Variants in PIEZO2 observed in about 807,000 individuals in gnomAD.
PIEZO2 encodes piezo type mechanosensitive ion channel component 2, also known as piezo-type mechanosensitive ion channel component 2.
In PIEZO2, 172 loss-of-function variants were observed where a neutral mutation model predicts 337.3. That is an observed-to-expected ratio of 0.51 (90% CI 0.45 to 0.58). The LOEUF (loss-of-function observed/expected upper bound fraction) is 0.58, where lower values mean the gene tolerates loss of function less well. Ranked by LOEUF, PIEZO2 falls within the 20% of genes least tolerant of loss-of-function variation. PIEZO2 has a pLI of 0.00. For synonymous variants in PIEZO2, 1,251 were observed against 1,228.5 expected, an observed-to-expected ratio of 1.02 and a Z score of -0.38; for missense variants, 3,028 against 3,391.3, an observed-to-expected ratio of 0.89 and a Z score of 2.66.
At chr18:10,999,184 C>CAAA (rs35723374) in intron 2 of PIEZO2, among the ~76,000 whole-genome samples, 82 of 111,708 alleles carry the variant, frequency 7.3e-4, no homozygotes, top group African/African-American at 2.1e-3. Context: ...AAGGCAACAG[C>CAAA]AAAAAAAAAA....
Position 10,691,247 on chromosome 18 carries a change from C to T in PIEZO2, c.7327G>A (p.Val2443Ile), listed in dbSNP as rs756549202. Reference sequence around the variant, plus strand: ...TACCCTTGGAATAAGAAGAGGTTGACGTAATTGTAGCTCTTGGTGAGGAAG... The same window carrying T: ...TACCCTTGGAATAAGAAGAGGTTGATGTAATTGTAGCTCTTGGTGAGGAAG... ...GNFLTKSYNY[V>I]NLFLFQGFRL... Residue 2443 changes from valine to isoleucine, a missense_variant, in exon 48 of 56, where the codon GTC becomes ATC. This residue lies in a region of PIEZO2 where 179 missense variants were observed against 281.8 expected (regional missense o/e 0.64). Coordinates refer to ENST00000674853, the MANE Select transcript of PIEZO2 (RefSeq NM_001378183.1). 4.0e-5 allele frequency: 65 copies of T among 1,613,638 alleles called. No individual in the cohort carries two copies. Among genetic ancestry groups the T allele is most frequent in the Admixed American group, 1.0e-4 (6 of 59,932 alleles).
rs771832333 is a variant in PIEZO2, at chr18:10,833,661, C to T, written c.917+21692G>A. 4.6e-5 allele frequency among the ~76,000 whole-genome samples: 7 copies of T among 152,202 alleles called. No individual in the cohort carries two copies. Among genetic ancestry groups the T allele is most frequent in the South Asian group, 2.1e-4 (1 of 4,826 alleles). On this transcript the variant is annotated intron_variant, in intron 7 of 55. Transcript: ENST00000674853. The surrounding 1 kb of genome is among the most constrained non-coding windows in gnomAD (Gnocchi z 4.7). The stretch of plus-strand genomic sequence containing the variant: ...AGTACAGTTCCAATCTGTGTCTACC[C>T]GCAGGCTTCACCCAAGCCCTCTCAG...
chr18:10,725,611 C>T (rs987288498), intron 36 of PIEZO2: 9 of 1,305,872 alleles, frequency 6.9e-6, no homozygotes, highest in African/African-American at 5.9e-5. Flanking sequence ...CAGCCGCCTC[C>T]GCCCTCTGGC....
At chr18:10,852,015 T>C (rs1043782812) in intron 7 of PIEZO2, among the ~76,000 whole-genome samples, 1 of 152,316 alleles carries the variant, frequency 6.6e-6, no homozygotes, top group Non-Finnish European at 1.5e-5. Context: ...GATATTTACA[T>C]TTTCAATTAA....
intron 11 of PIEZO2, among the ~76,000 whole-genome samples, chr18:10,800,023 A>T: frequency 6.6e-6 from 1 of 152,048 alleles, no homozygotes; most frequent in East Asian, 1.9e-4. Context: ...CACTGACCAT[A>T]ATTACAATAT....
chr18:11,142,778 C>CA lies in PIEZO2; in HGVS notation c.64+5746dup, dbSNP rs11290889. Among the ~76,000 whole-genome samples the CA allele has an allele frequency of 6.2e-3, 724 of 116,138 alleles. 18 individuals carry two copies. The highest frequency in any genetic ancestry group is 0.022 in the African/African-American group (671 of 30,498). 76.2% of individuals were successfully genotyped at this position (116,138 alleles called of 152,430 possible). ...CCTAGGCATCAGAGTGAGATTATCGCAAAAAAAAAAAAAAAAAGGACCGGG... is the reference window on the plus strand; with the variant it reads ...CCTAGGCATCAGAGTGAGATTATCGCAAAAAAAAAAAAAAAAAAGGACCGGG... On this transcript the variant is annotated intron_variant, in intron 1 of 55. Coordinates refer to ENST00000674853, the MANE Select transcript of PIEZO2 (RefSeq NM_001378183.1).
At chr18:11,065,339 C>T (rs1213797026) in intron 2 of PIEZO2, among the ~76,000 whole-genome samples, 3 of 152,220 alleles carry the variant, frequency 2.0e-5, no homozygotes, top group African/African-American at 7.2e-5. Flanking sequence ...CCATTGCACT[C>T]ACCTACAACA....
chr18:10,721,863 A>C (rs2036324558), intron 36 of PIEZO2, among the ~76,000 whole-genome samples: 1 of 152,194 alleles, frequency 6.6e-6, no homozygotes, highest in Non-Finnish European at 1.5e-5. Context: ...TAGAATAAAA[A>C]TTTAAGACGT....
rs549538929 is a variant in PIEZO2, at chr18:10,725,059, G to T, written c.5029+6348C>A. On this transcript the variant is annotated intron_variant, in intron 36 of 55. Coordinates refer to ENST00000674853, the MANE Select transcript of PIEZO2 (RefSeq NM_001378183.1). ...GTTGGTGGCCCTGCGGCCAACCAAC[G>T]TGGACCGTGAGGGAGACAAGTTCTT... 4.5e-6 allele frequency: 7 copies of T among 1,552,930 alleles called. No individual in the cohort carries two copies. The Admixed American group carries it at 5.0e-5, about 11-fold the overall frequency.
intron 3 of PIEZO2, among the ~76,000 whole-genome samples, chr18:10,914,024 C>T (rs916652734): frequency 6.6e-6 from 1 of 152,138 alleles, no homozygotes; most frequent in Non-Finnish European, 1.5e-5. Context: ...AAGAAACACA[C>T]AATAAATGGA....
rs2039517086 is a variant in PIEZO2, at chr18:11,104,897, T to G, written c.65-38675A>C. On this transcript the variant is annotated intron_variant, in intron 1 of 55. Coordinates refer to ENST00000674853, the MANE Select transcript of PIEZO2 (RefSeq NM_001378183.1). This position sits in a 1 kb window ranked among gnomAD's most constrained non-coding sequence, Gnocchi z 4.6. ...ACTGGATGTGACTGGGTCTGGCTAA[T>G]GAGGCCCCCTCCCCAGGTACAATGT... Among the ~76,000 whole-genome samples, 1 of 152,030 alleles carries G rather than the reference T, an allele frequency of 6.6e-6. No homozygotes were observed. The highest frequency in any genetic ancestry group is 1.5e-5 in the Non-Finnish European group (1 of 68,012).
chr18:10,814,160 A>G (rs28492678), intron 7 of PIEZO2, among the ~76,000 whole-genome samples: 40,648 of 151,614 alleles, frequency 0.27, 5,947 homozygotes, highest in East Asian at 0.64. Context: ...TAGTAGAGAC[A>G]GGGTTTCACT....
intron 7 of PIEZO2, among the ~76,000 whole-genome samples, chr18:10,841,505 A>C (rs564600560): frequency 6.6e-6 from 1 of 152,350 alleles, no homozygotes; most frequent in Admixed American, 6.5e-5. Context: ...ATTTCTCAGC[A>C]GAAAATTTGG....
rs551550876 is a variant in PIEZO2 at position 10,943,173 on chromosome 18, C to T, written c.287-31945G>A. Among the ~76,000 whole-genome samples, 24 of 152,304 alleles carry T rather than the reference C, an allele frequency of 1.6e-4. No individual in the cohort carries two copies. Among genetic ancestry groups the T allele is most frequent in the African/African-American group, 2.2e-4 (9 of 41,576 alleles). Reference sequence around the variant, plus strand: ...GGGAAATGTGGAGTCAGAGCCATGACGCACAGTCCCTACTGGGGCACCACC... The same window carrying T: ...GGGAAATGTGGAGTCAGAGCCATGATGCACAGTCCCTACTGGGGCACCACC... On this transcript the variant is annotated intron_variant, in intron 3 of 55. Transcript: ENST00000674853. The surrounding 1 kb of genome is among the most constrained non-coding windows in gnomAD (Gnocchi z 4.5).
At position 10,675,270 on chromosome 18, in the gene PIEZO2, A is replaced by G. The variant is rs534257811; in HGVS notation, c.8100T>C (p.Tyr2700=). 6.0e-5 allele frequency: 93 copies of G among 1,538,808 alleles called. No homozygotes were observed. Among genetic ancestry groups the G allele is most frequent in the Non-Finnish European group, 7.8e-5 (89 of 1,136,508 alleles). ...CACTAGGTGCTTTCACATAATATGG[A>G]TAAATCTTTTCTATGGTCCTGTACA... The part of the protein sequence containing the change: ...SKTPVTIEKI[Y]PYYVKAPSDS... Residue 2700 remains tyrosine, a synonymous_variant, in exon 54 of 56, where the codon TAT becomes TAC. Coordinates refer to ENST00000674853, the MANE Select transcript of PIEZO2 (RefSeq NM_001378183.1).
rs2033847947 is a variant in PIEZO2, at chr18:10,673,026, C to A, written c.8162-153G>T. Among the ~76,000 whole-genome samples, 1 of 152,040 alleles carries A rather than the reference C, an allele frequency of 6.6e-6. No individual in the cohort carries two copies. The highest frequency in any genetic ancestry group is 1.5e-5 in the Non-Finnish European group (1 of 68,032). On this transcript the variant is annotated intron_variant, in intron 54 of 55. Transcript: ENST00000674853. This position sits in a 1 kb window ranked among gnomAD's most constrained non-coding sequence, Gnocchi z 4.8. ...TGGACATACTAGAAGCGTGAATGGG[C>A]AAGGAAGAGAGGGCCCTGGGTATGT...
At chr18:11,074,932 A>C (rs1039009988) in intron 1 of PIEZO2, among the ~76,000 whole-genome samples, 3 of 152,212 alleles carry the variant, frequency 2.0e-5, no homozygotes, top group African/African-American at 7.2e-5. Flanking sequence ...AATTTTTGGC[A>C]AGATGTGCCC....
chr18:11,011,887 G>A (rs567409388), intron 2 of PIEZO2, among the ~76,000 whole-genome samples: 21 of 152,320 alleles, frequency 1.4e-4, no homozygotes, highest in African/African-American at 4.8e-4. Context: ...AGGCCAAGGT[G>A]GGAGGATCAC....
intron 27 of PIEZO2, among the ~76,000 whole-genome samples, chr18:10,756,328 T>C (rs2037845052): frequency 8.8e-6 from 1 of 113,454 alleles, no homozygotes; most frequent in Non-Finnish European, 1.9e-5. Flanking sequence ...AGAGGAAGGA[T>C]GGGGATGAGT....
Sources: gnomAD v4.1 joint callset for allele counts (sites outside exome capture counted in the v4.1 genomes callset) on GRCh38, gnomAD v4.1.1 for gene constraint, gnomAD v4.1.1 regional missense constraint, Gnocchi (gnomAD v3.1) non-coding constraint, MANE v1.5 for transcripts, NCBI Gene and HGNC (gene_info 2026-07-23, HGNC 2026-07-21) for gene names.